PALLD: variants seen among roughly 807,000 people sequenced by gnomAD.
PALLD encodes palladin, cytoskeletal associated protein, also known as palladin.
PALLD carries 61 observed loss-of-function variants against 123.5 expected under a neutral mutation model. That is an observed-to-expected ratio of 0.49 (90% CI 0.40 to 0.61). The LOEUF (loss-of-function observed/expected upper bound fraction) is 0.61, where lower values mean the gene tolerates loss of function less well. Among genes scored for constraint, PALLD ranks in the 20% least tolerant of loss-of-function variants. The probability of loss-of-function intolerance (pLI) is 0.00; values close to 1 mark genes in which losing one functional copy is unlikely to be tolerated. For missense variants in PALLD, 1,273 were observed against 1,377.0 expected (o/e 0.92, Z 1.20); for synonymous variants, 465 against 496.4 (o/e 0.94, Z 0.84).
intron 17 of PALLD, among the ~76,000 whole-genome samples, chr4:168,920,558 A>C (rs1177807339): frequency 6.6e-6 from 1 of 152,204 alleles, no homozygotes; most frequent in Non-Finnish European, 1.5e-5. Context: ...ATTCAAAATC[A>C]AGGGCAAAAC....
intron 6 of PALLD, among the ~76,000 whole-genome samples, chr4:168,688,014 C>G (rs1018848618): frequency 1.3e-5 from 2 of 152,206 alleles, no homozygotes; most frequent in African/African-American, 2.4e-5. Flanking sequence ...TGGAACATCT[C>G]TCTTCTGCAG....
intron 11 of PALLD, 106 bp downstream of exon 11, chr4:168,891,163 A>G: frequency 9.3e-7 from 1 of 1,079,646 alleles, no homozygotes; most frequent in Non-Finnish European, 1.4e-6. Context: ...CATCATCATT[A>G]TTATTATTAT....
chr4:168,845,643 C>T (rs1477291000), intron 10 of PALLD, among the ~76,000 whole-genome samples: 15 of 152,042 alleles, frequency 9.9e-5, no homozygotes, highest in Admixed American at 8.5e-4. Flanking sequence ...CCGAAGGGTT[C>T]CTGGAACCAG....
chr4:168,552,234 G>A (rs1313490680), intron 2 of PALLD, among the ~76,000 whole-genome samples: 1 of 152,072 alleles, frequency 6.6e-6, no homozygotes, highest in Non-Finnish European at 1.5e-5. Context: ...ATGTGAGAGA[G>A]GAAGGAATCA....
At chr4:168,720,538 A>G (rs1233974807) in intron 10 of PALLD, among the ~76,000 whole-genome samples, 1 of 152,218 alleles carries the variant, frequency 6.6e-6, no homozygotes, top group East Asian at 1.9e-4. Flanking sequence ...CTGAGTCACC[A>G]AACACATTGG....
At position 168,679,466 on chromosome 4, in the gene PALLD, G is replaced by A. The variant is rs547760406; in HGVS notation, c.1088-1866G>A. Among the ~76,000 whole-genome samples, 18 of 114,498 alleles carry A rather than the reference G, an allele frequency of 1.6e-4. No individual in the cohort carries two copies. In the South Asian group the frequency reaches 4.9e-3, roughly 31 times the overall value. 75.1% of individuals were successfully genotyped at this position (114,498 alleles called of 152,430 possible). A position where few individuals can be genotyped will look rare whatever the true frequency, so the allele number is the denominator to read the frequency against. On this transcript the variant is annotated intron_variant, in intron 3 of 21. Coordinates refer to ENST00000505667, the MANE Select transcript of PALLD (RefSeq NM_001166108.2). ...TGTGTGTGGTGGGGTGAGTATGGAC[G>A]TGTGTGGGGGGGTGTGGTGTGTGGT... is the stretch of plus-strand genomic sequence containing the variant.
At chr4:168,707,659 T>A (rs543153254) in intron 8 of PALLD, among the ~76,000 whole-genome samples, 1 of 152,244 alleles carries the variant, frequency 6.6e-6, no homozygotes, top group South Asian at 2.1e-4. Flanking sequence ...GATGGGGAAA[T>A]AGACTCTGCC....
At chr4:168,652,844 C>A (rs1221354119) in intron 2 of PALLD, among the ~76,000 whole-genome samples, 1 of 152,082 alleles carries the variant, frequency 6.6e-6, no homozygotes, top group African/African-American at 2.4e-5. Context: ...ATTAGAAAGC[C>A]CCTGGAAATC....
At chr4:168,896,723 GTC>G in intron 13 of PALLD, 124 bp downstream of exon 13, 2 of 636,402 alleles carry the variant, frequency 3.1e-6, no homozygotes, top group Non-Finnish European at 5.4e-6. Flanking sequence ...TATGACCAGT[GTC>G]TGTTTCATTT....
At chr4:168,717,158 A>G (rs796148770) in intron 10 of PALLD, among the ~76,000 whole-genome samples, 15 of 152,240 alleles carry the variant, frequency 9.9e-5, no homozygotes, top group African/African-American at 3.6e-4. Context: ...CTTCCTGAGA[A>G]TGGGAACCCT....
chr4:168,718,253 G>T (rs1171503870), intron 10 of PALLD, among the ~76,000 whole-genome samples: 1 of 152,110 alleles, frequency 6.6e-6, no homozygotes, highest in Admixed American at 6.5e-5. Context: ...GGTTTCTTAG[G>T]TTCTGTTCTT....
At chr4:168,647,300 A>G (rs1163586838) in intron 2 of PALLD, among the ~76,000 whole-genome samples, 1 of 152,228 alleles carries the variant, frequency 6.6e-6, no homozygotes, top group Non-Finnish European at 1.5e-5. Context: ...GGCTGACTAT[A>G]AAGACAACAC....
intron 10 of PALLD, among the ~76,000 whole-genome samples, chr4:168,792,035 A>T (rs1411959763): frequency 1.3e-5 from 2 of 152,180 alleles, no homozygotes; most frequent in Non-Finnish European, 2.9e-5. Flanking sequence ...ACTCTTCAAA[A>T]ATTTGATGAA....
intron 10 of PALLD, among the ~76,000 whole-genome samples, chr4:168,776,632 G>T (rs1192275169): frequency 2.0e-5 from 3 of 152,154 alleles, no homozygotes; most frequent in African/African-American, 4.8e-5. Flanking sequence ...GTTAGCTGTG[G>T]TTCTTCAGAG....
At chr4:168,773,745 C>T (rs1003266289) in intron 10 of PALLD, among the ~76,000 whole-genome samples, 5 of 152,274 alleles carry the variant, frequency 3.3e-5, no homozygotes, top group East Asian at 1.9e-4. Context: ...TGTTCCTTGG[C>T]GACAATGGCA....
chr4:168,794,879 C>A (rs183882126), intron 10 of PALLD, among the ~76,000 whole-genome samples: 1 of 152,262 alleles, frequency 6.6e-6, no homozygotes, highest in Admixed American at 6.5e-5. Flanking sequence ...TCTGTTTGGG[C>A]TGCTGAAACC....
At chr4:168,810,155 T>C (rs1015469794) in intron 10 of PALLD, among the ~76,000 whole-genome samples, 5 of 150,820 alleles carry the variant, frequency 3.3e-5, no homozygotes, top group Non-Finnish European at 7.4e-5. Context: ...TCGTAAGAGG[T>C]TGAGAGGAGG....
Position 168,742,796 on chromosome 4 carries a change from G to C in PALLD, c.1964+30873G>C, listed in dbSNP as rs1561470912. On this transcript the variant is annotated intron_variant, in intron 10 of 21. Transcript: ENST00000505667. Reference sequence around the variant, plus strand: ...CATATGTTAATCATAAGCTCTGATTGACAGTTGTATATTTTCTGTTTAGCA... The same window carrying C: ...CATATGTTAATCATAAGCTCTGATTCACAGTTGTATATTTTCTGTTTAGCA... 2.0e-5 allele frequency among the ~76,000 whole-genome samples: 3 copies of C among 152,110 alleles called. No homozygotes were observed. The South Asian group carries it at 6.2e-4, about 32-fold the overall frequency.
At chr4:168,631,490 T>C in intron 2 of PALLD, 1 of 481,050 alleles carries the variant, frequency 2.1e-6, no homozygotes, top group Non-Finnish European at 2.7e-6. Context: ...GATAAGAGCA[T>C]GGAGTGAAGG....
Sources: gnomAD v4.1 joint callset for allele counts (sites outside exome capture counted in the v4.1 genomes callset) on GRCh38, gnomAD v4.1.1 for gene constraint, MANE v1.5 for transcripts, NCBI Gene and HGNC (gene_info 2026-07-23, HGNC 2026-07-21) for gene names.